Variants in FGF13 observed in about 807,000 individuals in gnomAD.
FGF13 encodes fibroblast growth factor homologous factor 2.
In FGF13, 2 loss-of-function variants were observed where a neutral mutation model predicts 19.5. The ratio of observed to expected loss-of-function variants is 0.10; its 90% CI spans 0.04 to 0.32. FGF13 has a LOEUF of 0.32. Among genes scored for constraint, FGF13 ranks in the 10% least tolerant of loss-of-function variants. The probability of loss-of-function intolerance (pLI) is 1.00; values close to 1 mark genes in which losing one functional copy is unlikely to be tolerated. For missense variants in FGF13, 113 were observed against 192.7 expected (o/e 0.59, Z 2.45); for synonymous variants, 72 against 76.9 (o/e 0.94, Z 0.33).
intron 3 of FGF13, among the ~76,000 whole-genome samples, chrX:138,770,272 C>A (rs2090535248): frequency 9.0e-6 from 1 of 111,360 alleles, no homozygotes; most frequent in African/African-American, 3.3e-5. Context: ...TTCAGTGTTT[C>A]CCAAATCATT....
chrX:138,809,015 T>A (rs1417682844), intron 3 of FGF13, among the ~76,000 whole-genome samples: 1 of 111,722 alleles, frequency 9.0e-6, no homozygotes, highest in South Asian at 3.7e-4. Flanking sequence ...CTACCAGAGT[T>A]ACAAGGAGGA....
At chrX:139,075,739 T>G (rs1355305339) in intron 1 of FGF13, among the ~76,000 whole-genome samples, 1 of 112,301 alleles carries the variant, frequency 8.9e-6, no homozygotes. Context: ...AATGGGTATT[T>G]TAATTTTTAA....
intron 1 of FGF13, among the ~76,000 whole-genome samples, chrX:139,079,653 G>A (rs2083356440): frequency 9.0e-6 from 1 of 110,831 alleles, no homozygotes; most frequent in African/African-American, 3.3e-5. Context: ...CTGGACATTG[G>A]GACAGTTCTA....
chrX:138,913,205 T>TTC (rs2091598129), intron 1 of FGF13, among the ~76,000 whole-genome samples: 1 of 93,025 alleles, frequency 1.1e-5, no homozygotes, highest in Non-Finnish European at 2.1e-5. Context: ...TTTTTTTTTT[T>TTC]TTTGAGATGG....
At chrX:138,907,399 G>A (rs1218811434) in intron 1 of FGF13, among the ~76,000 whole-genome samples, 2 of 111,765 alleles carry the variant, frequency 1.8e-5, no homozygotes, top group African/African-American at 6.5e-5. Flanking sequence ...GGGTTGGGAA[G>A]AGAACAGGGA....
intron 1 of FGF13, among the ~76,000 whole-genome samples, chrX:139,185,365 T>C (rs2084274614): frequency 8.9e-6 from 1 of 112,031 alleles, no homozygotes; most frequent in South Asian, 3.7e-4. Context: ...CCCCATGCAA[T>C]TATTGCAAAT....
Position 139,062,783 on chromosome X carries a change from G to C in FGF13, c.-113+140633C>G, listed in dbSNP as rs777098473. Among the ~76,000 whole-genome samples, 24 of 112,004 alleles carry C rather than the reference G, an allele frequency of 2.1e-4. No individual in the cohort carries two copies. In the South Asian group the frequency reaches 4.1e-3, roughly 19 times the overall value. On this transcript the variant is annotated intron_variant, in intron 1 of 2. Coordinates refer to the FGF13 transcript ENST00000421460. ...GACTTCTTGCTTGAATACACTAAGA[G>C]GGGGGCACACAATCCCTAGTGGGGG... is the stretch of plus-strand genomic sequence containing the variant.
chrX:138,965,837 T>C (rs988303674), intron 1 of FGF13, among the ~76,000 whole-genome samples: 1 of 112,149 alleles, frequency 8.9e-6, no homozygotes, highest in Non-Finnish European at 1.9e-5. Context: ...TTGATATCTA[T>C]AGCCCATGAA....
At chrX:139,055,926 A>C (rs1330555900) in intron 1 of FGF13, among the ~76,000 whole-genome samples, 1 of 112,631 alleles carries the variant, frequency 8.9e-6, no homozygotes, top group Non-Finnish European at 1.9e-5. Flanking sequence ...ATGTTATACC[A>C]AGTTAGTATG....
intron 3 of FGF13, among the ~76,000 whole-genome samples, chrX:138,851,361 G>A (rs1485512568): frequency 9.0e-6 from 1 of 111,553 alleles, no homozygotes; most frequent in African/African-American, 3.3e-5. Context: ...CACCAACAGT[G>A]GAAAAGCATT....
At chrX:139,101,507 A>G (rs1305081940) in intron 1 of FGF13, among the ~76,000 whole-genome samples, 2 of 112,492 alleles carry the variant, frequency 1.8e-5, no homozygotes, top group African/African-American at 6.5e-5. Flanking sequence ...GAAAAAGAAT[A>G]TTCGACGGAT....
chrX:139,176,516 C>T (rs2084186838), intron 1 of FGF13, among the ~76,000 whole-genome samples: 1 of 109,295 alleles, frequency 9.1e-6, no homozygotes, highest in South Asian at 4.0e-4. Context: ...GTTAGGGTGT[C>T]TATTTTAGAT....
intron 1 of FGF13, among the ~76,000 whole-genome samples, chrX:138,891,887 G>C (rs1187570331): frequency 9.1e-6 from 1 of 110,465 alleles, no homozygotes; most frequent in Non-Finnish European, 1.9e-5. Flanking sequence ...TTCAGTTTTG[G>C]GACTCGGACT....
At chrX:139,045,789 C>G (rs1267589743) in intron 1 of FGF13, among the ~76,000 whole-genome samples, 5 of 112,298 alleles carry the variant, frequency 4.5e-5, no homozygotes, top group Non-Finnish European at 9.4e-5. Context: ...TCATTTCCAT[C>G]TGAGACCTCA....
intron 3 of FGF13, among the ~76,000 whole-genome samples, chrX:138,679,146 A>C (rs185093275): frequency 1.3e-4 from 15 of 112,242 alleles, no homozygotes; most frequent in African/African-American, 4.8e-4. Flanking sequence ...ACATGATCAC[A>C]GATCAATGCA....
chrX:138,908,041 A>G (rs146114501), intron 1 of FGF13, among the ~76,000 whole-genome samples: 5,942 of 56,544 alleles, frequency 0.11, 453 homozygotes, highest in African/African-American at 0.28. Context: ...GAGTAGGATT[A>G]TTGGTGATCT....
chrX:138,781,679 C>G (rs1441841077), intron 3 of FGF13, among the ~76,000 whole-genome samples: 2 of 111,485 alleles, frequency 1.8e-5, no homozygotes, highest in African/African-American at 3.3e-5. Flanking sequence ...GCTTACCAAC[C>G]AAAAAGAGTC....
intron 1 of FGF13, among the ~76,000 whole-genome samples, chrX:138,913,644 GGAAGGA>G (rs2091601292): frequency 8.2e-5 from 1 of 12,241 alleles, no homozygotes; most frequent in Non-Finnish European, 2.5e-4. Flanking sequence ...GATGGAGGAA[GGAAGGA>G]AGGAAGGAAG....
chrX:138,970,580 A>G (rs748491684), intron 1 of FGF13, among the ~76,000 whole-genome samples: 16 of 111,635 alleles, frequency 1.4e-4, no homozygotes, highest in Admixed American at 3.8e-4. Context: ...TTCTAGTCCA[A>G]TTGTTTCCAA....
Sources: allele counts gnomAD v4.1 joint callset (sites outside exome capture counted in the v4.1 genomes callset), GRCh38; gene constraint gnomAD v4.1.1; transcripts MANE v1.5; gene names NCBI Gene and HGNC (gene_info 2026-07-23, HGNC 2026-07-21).